TSHZ2: variants seen among roughly 807,000 people sequenced by gnomAD.
TSHZ2 encodes the protein teashirt homolog 2.
In TSHZ2, 21 loss-of-function variants were observed where a neutral mutation model predicts 74.4. The observed-to-expected ratio is 0.28, with a 90% CI of 0.20 to 0.41. The LOEUF is 0.41. TSHZ2 is among the 10% of genes least tolerant of loss of function. TSHZ2 has a pLI of 1.00. For missense variants in TSHZ2, 1,244 were observed against 1,293.5 expected (o/e 0.96, Z 0.59); for synonymous variants, 540 against 515.3 (o/e 1.05, Z -0.65).
chr20:53,116,561 T>G (rs1986673865), intron 1 of TSHZ2, among the ~76,000 whole-genome samples: 1 of 152,154 alleles, frequency 6.6e-6, no homozygotes, highest in Admixed American at 6.5e-5. Flanking sequence ...TTGCACAATT[T>G]TAGGGCAAAC....
chr20:53,391,481 T>TG (rs1982256721), intron 2 of TSHZ2, among the ~76,000 whole-genome samples: 2 of 148,686 alleles, frequency 1.3e-5, no homozygotes, highest in African/African-American at 4.9e-5. Context: ...TTGTTTTTGT[T>TG]TTTTTTTTTT....
chr20:53,129,286 T>G (rs1568773387), intron 1 of TSHZ2, among the ~76,000 whole-genome samples: 1 of 152,196 alleles, frequency 6.6e-6, no homozygotes, highest in Non-Finnish European at 1.5e-5. Context: ...TTTTTAAATT[T>G]TGTGGGTACA....
intron 2 of TSHZ2, among the ~76,000 whole-genome samples, chr20:53,263,615 G>A (rs981575192): frequency 6.6e-6 from 1 of 152,082 alleles, no homozygotes; most frequent in Non-Finnish European, 1.5e-5. Context: ...TTTTTGTTCT[G>A]AACACCCTTC....
At chr20:53,430,865 C>T (rs1462334192) in intron 2 of TSHZ2, among the ~76,000 whole-genome samples, 1 of 152,020 alleles carries the variant, frequency 6.6e-6, no homozygotes, top group Admixed American at 6.5e-5. Flanking sequence ...AACTGATTCT[C>T]CTGCCTCAGC....
chr20:53,176,540 G>A (rs189009555), intron 1 of TSHZ2, among the ~76,000 whole-genome samples: 1 of 152,252 alleles, frequency 6.6e-6, no homozygotes, highest in East Asian at 1.9e-4. Context: ...CTACAGCATT[G>A]ATTACTGGAG....
intron 1 of TSHZ2, among the ~76,000 whole-genome samples, chr20:53,175,309 T>G (rs1988310728): frequency 6.6e-6 from 1 of 151,716 alleles, no homozygotes; most frequent in South Asian, 2.1e-4. Context: ...CCTGGCTAAT[T>G]TTTTGTATTT....
intron 2 of TSHZ2, among the ~76,000 whole-genome samples, chr20:53,261,122 G>T (rs1600774701): frequency 1.3e-5 from 2 of 152,154 alleles, no homozygotes; most frequent in African/African-American, 4.8e-5. Context: ...CCTGCTCCTT[G>T]GTTTCCTCCT....
intron 1 of TSHZ2, among the ~76,000 whole-genome samples, chr20:52,991,712 AGT>A (rs755039092): frequency 7.2e-5 from 10 of 138,110 alleles, no homozygotes; most frequent in South Asian, 2.3e-4. Context: ...TGTAGGTATT[AGT>A]GTGTGTGTTG....
rs753642708 is a variant in TSHZ2, at chr20:53,255,091, C to T, written c.1633C>T (p.His545Tyr). 2 of 1,614,164 alleles carry T rather than the reference C, an allele frequency of 1.2e-6. No individual in the cohort carries two copies. The highest frequency in any genetic ancestry group is 2.2e-5 in the South Asian group (2 of 91,076). ...CAGCTGGAGTGCCTACCCCAGCATC[C>T]ACGCAGCCTACCAGCTGTCTGAGGG... is the stretch of plus-strand genomic sequence containing the variant. ...APSWSAYPSIHAAYQLSEGTK... is the reference protein window; with the variant it reads ...APSWSAYPSIYAAYQLSEGTK... Residue 545 changes from histidine to tyrosine, a missense_variant, in exon 2 of 3, where the codon CAC becomes TAC. Physicochemically the swap from His to Tyr is moderately conservative, Grantham distance 83. Around this residue, in one of 6 missense-constraint regions of TSHZ2, gnomAD observed 562 missense variants for 544.0 expected, o/e 1.03. Transcript: ENST00000371497. This position sits in a 1 kb window ranked among gnomAD's most constrained non-coding sequence, Gnocchi z 4.1.
At chr20:53,220,068 T>G (rs1989519234) in intron 1 of TSHZ2, among the ~76,000 whole-genome samples, 1 of 152,268 alleles carries the variant, frequency 6.6e-6, no homozygotes, top group Admixed American at 6.5e-5. Context: ...ACCACTTTCC[T>G]CTGAAATGAA....
chr20:53,006,670 A>G (rs1982658813), intron 1 of TSHZ2, among the ~76,000 whole-genome samples: 1 of 152,204 alleles, frequency 6.6e-6, no homozygotes, highest in South Asian at 2.1e-4. Context: ...TAAGTAAATC[A>G]CACGTGGTAC....
intron 2 of TSHZ2, among the ~76,000 whole-genome samples, chr20:53,353,136 C>T (rs927448566): frequency 1.8e-4 from 28 of 152,126 alleles, no homozygotes; most frequent in Admixed American, 5.9e-4. Context: ...TCTCACCCTT[C>T]GTAGAAAATG....
chr20:53,391,141 TTTTGTTTTGTTTTGG>T (rs1412372516), intron 2 of TSHZ2, among the ~76,000 whole-genome samples: 6 of 149,488 alleles, frequency 4.0e-5, no homozygotes, highest in African/African-American at 1.3e-4. Context: ...TTTTGTTTTG[TTTTGTTTTGTTTTGG>T]TTTGGTTTGA....
chr20:53,001,302 T>C (rs1472330373), intron 1 of TSHZ2, among the ~76,000 whole-genome samples: 1 of 151,430 alleles, frequency 6.6e-6, no homozygotes, highest in Non-Finnish European at 1.5e-5. Context: ...GGTTTTGTTC[T>C]CTGTAGTTGA....
At chr20:53,179,032 C>T (rs1298091134) in intron 1 of TSHZ2, 2 of 152,178 alleles carry the variant, frequency 1.3e-5, no homozygotes, top group African/African-American at 4.8e-5. Flanking sequence ...GGGTCAAACC[C>T]TTGCCAGTTG....
chr20:53,286,791 G>A (rs1175502236), intron 2 of TSHZ2, among the ~76,000 whole-genome samples: 1 of 151,988 alleles, frequency 6.6e-6, no homozygotes, highest in African/African-American at 2.4e-5. Context: ...CTACTTGGGA[G>A]GATCACTTAA....
chr20:53,009,843 G>T (rs1391132569), intron 1 of TSHZ2, among the ~76,000 whole-genome samples: 1 of 152,032 alleles, frequency 6.6e-6, no homozygotes, highest in African/African-American at 2.4e-5. Context: ...TGCAGTGAAG[G>T]GACTAGAAAT....
intron 2 of TSHZ2, among the ~76,000 whole-genome samples, chr20:53,317,820 T>C (rs1310884005): frequency 6.6e-6 from 1 of 152,202 alleles, no homozygotes; most frequent in Non-Finnish European, 1.5e-5. Flanking sequence ...TGGAGCAAAG[T>C]ATTTACGCAT....
At chr20:53,407,093 G>A (rs993408691) in intron 2 of TSHZ2, among the ~76,000 whole-genome samples, 12 of 152,160 alleles carry the variant, frequency 7.9e-5, no homozygotes, top group African/African-American at 2.2e-4. Flanking sequence ...GACCCCTGAC[G>A]AAGCCTCTCC....
Sources: allele counts gnomAD v4.1 joint callset (sites outside exome capture counted in the v4.1 genomes callset), GRCh38; gene constraint gnomAD v4.1.1; regional missense constraint gnomAD v4.1.1; non-coding constraint Gnocchi (gnomAD v3.1); transcripts MANE v1.5; gene names NCBI Gene and HGNC (gene_info 2026-07-23, HGNC 2026-07-21).